LPGAT1: variants seen among roughly 807,000 people sequenced by gnomAD.
LPGAT1 encodes acyl-CoA:lysophosphatidylglycerol acyltransferase 1.
A neutral mutation model predicts 47.5 loss-of-function variants in LPGAT1; 11 were observed. The ratio of observed to expected loss-of-function variants is 0.23; its 90% CI spans 0.15 to 0.38. The LOEUF (loss-of-function observed/expected upper bound fraction) is 0.38. Ranked by LOEUF, LPGAT1 falls within the 10% of genes least tolerant of loss-of-function variation. The pLI, the probability that LPGAT1 is intolerant of heterozygous loss-of-function variation, is 1.00. For missense variants in LPGAT1, 293 were observed against 439.0 expected (o/e 0.67, Z 2.97); for synonymous variants, 138 against 144.2 (o/e 0.96, Z 0.31).
At chr1:211,785,782 T>A (rs940228135) in intron 4 of LPGAT1, among the ~76,000 whole-genome samples, 2 of 152,008 alleles carry the variant, frequency 1.3e-5, no homozygotes, top group Non-Finnish European at 2.9e-5. Flanking sequence ...AATTTTTGTA[T>A]CTTTAGTAGA....
chr1:211,779,183 G>T, intron 5 of LPGAT1, 139 bp from the exon 6 acceptor site: 1 of 557,968 alleles, frequency 1.8e-6, no homozygotes. Context: ...GAACTTTGGT[G>T]CTCCTGTTCT....
intron 6 of LPGAT1, among the ~76,000 whole-genome samples, chr1:211,777,574 A>T (rs1658454819): frequency 6.6e-6 from 1 of 152,084 alleles, no homozygotes; most frequent in Non-Finnish European, 1.5e-5. Flanking sequence ...ACAAGAAGCT[A>T]GCATAGATAG....
intron 4 of LPGAT1, among the ~76,000 whole-genome samples, chr1:211,784,373 C>T (rs902559671): frequency 1.3e-5 from 2 of 151,762 alleles, no homozygotes; most frequent in Non-Finnish European, 2.9e-5. Context: ...ATTTAGTGGT[C>T]CCAGCTACTC....
rs565352089 is a variant in LPGAT1 at position 211,817,509 on chromosome 1, T to C, written c.238+11550A>G. 2.4e-3 allele frequency among the ~76,000 whole-genome samples: 369 copies of C among 151,006 alleles called. 3 individuals carry two copies. The highest frequency in any genetic ancestry group is 8.3e-3 in the African/African-American group (342 of 41,104). On this transcript the variant is annotated intron_variant, in intron 2 of 7. Transcript: ENST00000366997. ...TCACTTGAACCCAGGAGGTGGAGGTTGCAGTGAGCCGAGATCGCACCACTG... is the reference window on the plus strand; with the variant it reads ...TCACTTGAACCCAGGAGGTGGAGGTCGCAGTGAGCCGAGATCGCACCACTG...
chr1:211,748,694 AAAAAAG>A lies in LPGAT1; in HGVS notation c.*1199_*1204del, dbSNP rs1411387328. The A allele has an allele frequency of 6.5e-6, 1 of 152,952 alleles. No individual in the cohort carries two copies. The highest frequency in any genetic ancestry group is 1.5e-5 in the Non-Finnish European group (1 of 68,440). The allele number at this position is 152,952 out of a possible 1,614,324, so 9.5% of individuals were successfully genotyped here. ...AGTAAGACCTGTCTAAAAAAAAAAGAAAAAAGAAAAAGCAACTGGAAGAGATTGGGG... is the reference window on the plus strand; with the variant it reads ...AGTAAGACCTGTCTAAAAAAAAAAGAAAAAAGCAACTGGAAGAGATTGGGG... On this transcript the variant is annotated 3_prime_UTR_variant, in exon 8 of 8. Coordinates refer to ENST00000366997, the MANE Select transcript of LPGAT1 (RefSeq NM_014873.3).
chr1:211,816,096 A>C (rs1660165233), intron 2 of LPGAT1, among the ~76,000 whole-genome samples: 1 of 151,984 alleles, frequency 6.6e-6, no homozygotes, highest in South Asian at 2.1e-4. Context: ...GCCTTTGTGC[A>C]TGCTGTCCCT....
At chr1:211,767,016 ATG>A (rs759437704) in intron 6 of LPGAT1, among the ~76,000 whole-genome samples, 47,922 of 151,748 alleles carry the variant, frequency 0.32, 8,854 homozygotes, top group Non-Finnish European at 0.43. Flanking sequence ...ATTTGTAAGG[ATG>A]ATTCACCTGA....
At chr1:211,789,496 A>T (rs1489643157) in intron 3 of LPGAT1, among the ~76,000 whole-genome samples, 2 of 152,196 alleles carry the variant, frequency 1.3e-5, no homozygotes, top group East Asian at 3.9e-4. Flanking sequence ...ATGTTTATAA[A>T]ACATTTAATA....
intron 2 of LPGAT1, among the ~76,000 whole-genome samples, chr1:211,808,694 C>T (rs746393567): frequency 6.6e-6 from 1 of 151,996 alleles, no homozygotes; most frequent in Non-Finnish European, 1.5e-5. Flanking sequence ...ACATTTACAA[C>T]GTGACTCAGA....
At chr1:211,820,942 TGGGCAGACA>T (rs1466288539) in intron 2 of LPGAT1, among the ~76,000 whole-genome samples, 5 of 152,160 alleles carry the variant, frequency 3.3e-5, no homozygotes, top group Non-Finnish European at 7.3e-5. Context: ...AGAATCCCTT[TGGGCAGACA>T]GGCAAAAAGA....
At position 211,830,623 on chromosome 1, in the gene LPGAT1, A is replaced by C; in HGVS notation, c.-78T>G. ...GGCTTTGGGAGTCAGAGGAGCCGGA[A>C]GAATGCATGGCCGGCGGCGGGGCCG... is the stretch of plus-strand genomic sequence containing the variant. On this transcript the variant is annotated 5_prime_UTR_variant, in exon 1 of 8. Coordinates refer to ENST00000366997, the MANE Select transcript of LPGAT1 (RefSeq NM_014873.3). The surrounding 1 kb of genome is among the most constrained non-coding windows in gnomAD (Gnocchi z 5.9). The C allele has an allele frequency of 8.3e-7, 1 of 1,198,188 alleles. No homozygotes were observed. The highest frequency in any genetic ancestry group is 4.4e-5 in the Admixed American group (1 of 22,502). The allele number at this position is 1,198,188 out of a possible 1,614,324, so 74.2% of individuals were successfully genotyped here.
intron 2 of LPGAT1, among the ~76,000 whole-genome samples, chr1:211,818,485 T>G (rs1354129232): frequency 6.6e-6 from 1 of 152,178 alleles, no homozygotes; most frequent in Non-Finnish European, 1.5e-5. Context: ...ATCTCCCTAA[T>G]TTGAAATGTT....
intron 4 of LPGAT1, among the ~76,000 whole-genome samples, chr1:211,784,895 C>CCGGGTT (rs1302615461): frequency 4.6e-5 from 7 of 151,560 alleles, no homozygotes; most frequent in African/African-American, 1.5e-4. Flanking sequence ...GCTCTGCCTC[C>CCGGGTT]CGGGTTCACG....
At position 211,746,819 on chromosome 1, in the gene LPGAT1, A is replaced by C. The variant is rs1236656494; in HGVS notation, c.*3080T>G. Reference sequence around the variant, plus strand: ...ACAGGTTTCTCTGCAATTTAAGTACAGTTCACCACCAATAATTGTTTCTGA... The same window carrying C: ...ACAGGTTTCTCTGCAATTTAAGTACCGTTCACCACCAATAATTGTTTCTGA... On this transcript the variant is annotated 3_prime_UTR_variant, in exon 8 of 8. Transcript: ENST00000366997. The C allele has an allele frequency of 1.3e-5, 2 of 152,214 alleles. No homozygotes were observed. Among genetic ancestry groups the C allele is most frequent in the Non-Finnish European group, 2.9e-5 (2 of 68,040 alleles). 9.4% of individuals were successfully genotyped at this position (152,214 alleles called of 1,614,324 possible).
chr1:211,814,430 T>C (rs1016756665), intron 2 of LPGAT1, among the ~76,000 whole-genome samples: 2 of 151,908 alleles, frequency 1.3e-5, no homozygotes, highest in Non-Finnish European at 2.9e-5. Context: ...TGAGGAGGGG[T>C]TGCAGGAGAG....
At chr1:211,770,593 C>A (rs1417581379) in intron 6 of LPGAT1, among the ~76,000 whole-genome samples, 1 of 152,096 alleles carries the variant, frequency 6.6e-6, no homozygotes, top group Non-Finnish European at 1.5e-5. Flanking sequence ...ATTCCTGTTG[C>A]CTAGTGATGT....
At chr1:211,775,139 A>G (rs914354810) in intron 6 of LPGAT1, among the ~76,000 whole-genome samples, 1 of 152,132 alleles carries the variant, frequency 6.6e-6, no homozygotes, top group African/African-American at 2.4e-5. Flanking sequence ...ATAAGAAGTG[A>G]AAGTAAATGT....
At chr1:211,799,154 G>A (rs1659470327) in intron 2 of LPGAT1, among the ~76,000 whole-genome samples, 1 of 152,004 alleles carries the variant, frequency 6.6e-6, no homozygotes, top group African/African-American at 2.4e-5. Context: ...CATGGTCAGT[G>A]TCCCTTTGAC....
chr1:211,793,002 G>C (rs767150714), intron 3 of LPGAT1, 70 bp downstream of exon 3: 16 of 1,051,784 alleles, frequency 1.5e-5, no homozygotes, highest in Middle Eastern at 4.2e-4. Flanking sequence ...GAGCCACCAT[G>C]CCCGGCCAAA....
Sources: gnomAD v4.1 joint callset for allele counts (sites outside exome capture counted in the v4.1 genomes callset) on GRCh38, gnomAD v4.1.1 for gene constraint, Gnocchi (gnomAD v3.1) non-coding constraint, MANE v1.5 for transcripts, NCBI Gene and HGNC (gene_info 2026-07-23, HGNC 2026-07-21) for gene names.